The following TIPIN variants were observed in gnomAD, a reference collection of about 807,000 sequenced individuals.
The protein encoded by TIPIN is TIMELESS-interacting protein.
A neutral mutation model predicts 35.6 loss-of-function variants in TIPIN; 29 were observed. The observed-to-expected ratio is 0.82, with a 90% CI of 0.61 to 1.11. TIPIN has a LOEUF of 1.11. Among genes scored for constraint, TIPIN ranks in the 50% most tolerant of loss-of-function variants. TIPIN has a pLI of 0.00. For missense variants in TIPIN, 296 were observed against 345.4 expected (o/e 0.86, Z 1.13); for synonymous variants, 102 against 121.5 (o/e 0.84, Z 1.06).
At chr15:66,357,022 TC>T (rs2093208737), upstream of TIPIN, among the ~76,000 whole-genome samples, 1 of 152,030 alleles carries the variant, frequency 6.6e-6, no homozygotes, top group African/African-American at 2.4e-5. Context: ...GCTGAAACGA[TC>T]CTCCCACCTC....
rs1292506661 is a variant in TIPIN, at chr15:66,341,356, T to C, written c.476A>G (p.Asp159Gly). The part of the protein sequence containing the change: ...ILHEDFVSNN[D>G]EVAENNEHDV... ...ATGTTCATTATTCTCCGCAACTTCATCTGCAATAGAAAAGAAATAGTACAT... is the reference window on the plus strand; with the variant it reads ...ATGTTCATTATTCTCCGCAACTTCACCTGCAATAGAAAAGAAATAGTACAT... Residue 159 changes from aspartate (D) to glycine (G), a missense_variant and splice_region_variant, in exon 7 of 8, where the codon GAT becomes GGT. Coordinates refer to ENST00000261881, the MANE Select transcript of TIPIN (RefSeq NM_017858.3). 6.2e-7 allele frequency: 1 copy of C among 1,609,204 alleles called. No individual in the cohort carries two copies. The highest frequency in any genetic ancestry group is 8.5e-7 in the Non-Finnish European group (1 of 1,177,322).
intron 1 of TIPIN, among the ~76,000 whole-genome samples, chr15:66,381,444 A>AT (rs970268728): frequency 1.5e-4 from 23 of 152,258 alleles, no homozygotes; most frequent in Non-Finnish European, 2.8e-4. Context: ...TCTGGAAAAA[A>AT]TTAAAAAAAA....
chr15:66,366,950 G>C, intron 1 of TIPIN: 1 of 945,498 alleles, frequency 1.1e-6, no homozygotes, highest in East Asian at 1.2e-4. Context: ...GGGAGGCCAA[G>C]GCAGGTGATC....
intron 7 of TIPIN, 72 bp downstream of exon 7, chr15:66,341,078 C>A: frequency 7.3e-7 from 1 of 1,371,316 alleles, no homozygotes; most frequent in Non-Finnish European, 1.0e-6. Flanking sequence ...TGGGGGCTAG[C>A]AGAGAAGTTA....
In TIPIN at chr15:66,336,799, C is replaced by T; in HGVS notation, c.*159G>A. 1.6e-6 allele frequency: 1 copy of T among 607,320 alleles called. No homozygotes were observed. Among genetic ancestry groups the T allele is most frequent in the South Asian group, 2.3e-5 (1 of 43,600 alleles). 37.6% of individuals were successfully genotyped at this position (607,320 alleles called of 1,614,324 possible). On this transcript the variant is annotated 3_prime_UTR_variant, in exon 8 of 8. Coordinates refer to ENST00000261881, the MANE Select transcript of TIPIN (RefSeq NM_017858.3). ...GAACAAATAGATTTAACTAAAGTGACAAGCATAATTATAAATAAATACCAG... is the reference window on the plus strand; with the variant it reads ...GAACAAATAGATTTAACTAAAGTGATAAGCATAATTATAAATAAATACCAG...
At chr15:66,371,582 C>T (rs991291900) in intron 1 of TIPIN, among the ~76,000 whole-genome samples, 1 of 148,744 alleles carries the variant, frequency 6.7e-6, no homozygotes, top group East Asian at 2.0e-4. Context: ...GGCGCGATCT[C>T]GGCTCACTGC....
chr15:66,339,921 G>C (rs1381677505), intron 7 of TIPIN, among the ~76,000 whole-genome samples: 1 of 151,502 alleles, frequency 6.6e-6, no homozygotes, highest in Non-Finnish European at 1.5e-5. Context: ...CCAGGCTGGA[G>C]TGCAGTGGCC....
At chr15:66,360,803 C>T (rs777653058), upstream of TIPIN, among the ~76,000 whole-genome samples, 17 of 152,172 alleles carry the variant, frequency 1.1e-4, no homozygotes, top group Non-Finnish European at 2.5e-4. Context: ...CTCATCTCTA[C>T]TAAAAATACA....
chr15:66,355,439 G>A (rs572588759), intron 1 of TIPIN, among the ~76,000 whole-genome samples: 1 of 151,702 alleles, frequency 6.6e-6, no homozygotes, highest in African/African-American at 2.4e-5. Flanking sequence ...TCTAAATTTC[G>A]GTTACCATAA....
chr15:66,383,587 T>G (rs1282922185), intron 1 of TIPIN: 9 of 984,942 alleles, frequency 9.1e-6, no homozygotes, highest in Non-Finnish European at 1.1e-5. Context: ...TTTTTAATGT[T>G]TATTATTTTA....
At chr15:66,338,197 A>T (rs1421512776) in intron 7 of TIPIN, among the ~76,000 whole-genome samples, 1 of 150,832 alleles carries the variant, frequency 6.6e-6, no homozygotes, top group African/African-American at 2.4e-5. Flanking sequence ...CGGAGGTTGC[A>T]GTGGGCCGAG....
intron 1 of TIPIN, among the ~76,000 whole-genome samples, chr15:66,354,057 G>A (rs1439803273): frequency 2.0e-5 from 3 of 152,056 alleles, no homozygotes; most frequent in Non-Finnish European, 4.4e-5. Flanking sequence ...ACTCCTCCTG[G>A]ATTTTCTTTG....
At chr15:66,362,806 T>C (rs1217613373) in intron 1 of TIPIN, among the ~76,000 whole-genome samples, 1 of 152,166 alleles carries the variant, frequency 6.6e-6, no homozygotes, top group Non-Finnish European at 1.5e-5. Context: ...AATCCCACAT[T>C]AAAAAAGCAA....
chr15:66,339,874 A>AT (rs199989826), intron 7 of TIPIN, among the ~76,000 whole-genome samples: 4,488 of 146,580 alleles, frequency 0.031, 92 homozygotes, highest in South Asian at 0.074. Context: ...AAGAAAAAGC[A>AT]TTTTTTTTTT....
intron 1 of TIPIN, chr15:66,379,629 TAC>T: frequency 6.2e-7 from 1 of 1,609,248 alleles, no homozygotes. Context: ...GAAGTAAGCA[TAC>T]ACAGACCTCA....
At chr15:66,367,228 G>GTATCTATATCTATATCTATCTATA (rs1566983177) in intron 1 of TIPIN, among the ~76,000 whole-genome samples, 10 of 31,518 alleles carry the variant, frequency 3.2e-4, no homozygotes, top group African/African-American at 6.2e-4. Flanking sequence ...ATCTATATCT[G>GTATCTATATCTATATCTATCTATA]TATCTATATC....
At chr15:66,364,158 CTTTTTTTTTTTT>C (rs747825457) in intron 1 of TIPIN, among the ~76,000 whole-genome samples, 1 of 73,782 alleles carries the variant, frequency 1.4e-5, no homozygotes, top group East Asian at 4.7e-4. Context: ...TCTTTCTTTT[CTTTTTTTTTTTT>C]TTTTTTTTTT....
intron 1 of TIPIN, chr15:66,379,729 T>C (rs1033924412): frequency 5.6e-6 from 9 of 1,608,880 alleles, no homozygotes; most frequent in Admixed American, 1.7e-5. Flanking sequence ...TCTTTTCTGT[T>C]ACCCCACCAT....
In TIPIN at chr15:66,364,163, T is replaced by C. The variant is rs540456021; in HGVS notation, c.-8-11208A>G. Among the ~76,000 whole-genome samples the C allele has an allele frequency of 8.3e-3, 1,106 of 132,692 alleles. 4 individuals carry two copies. Among genetic ancestry groups the C allele is most frequent in the African/African-American group, 0.03 (1,001 of 33,862 alleles). 87.1% of individuals were successfully genotyped at this position (132,692 alleles called of 152,430 possible). On this transcript the variant is annotated intron_variant, in intron 1 of 7. Transcript: ENST00000562124. ...TATAGAGAAATCTTTCTTTTCTTTT[T>C]TTTTTTTTTTTTTTTTTTTGAGACA...
Sources: gnomAD v4.1 joint callset for allele counts (sites outside exome capture counted in the v4.1 genomes callset) on GRCh38, gnomAD v4.1.1 for gene constraint, MANE v1.5 for transcripts, NCBI Gene and HGNC (gene_info 2026-07-23, HGNC 2026-07-21) for gene names.